The following MARK1 variants were observed in gnomAD, a reference collection of about 807,000 sequenced individuals.
MARK1 encodes serine/threonine-protein kinase MARK1.
In MARK1, 40 loss-of-function variants were observed where a neutral mutation model predicts 96.3. That is an observed-to-expected ratio of 0.42 (90% CI 0.32 to 0.54). The LOEUF is 0.54. Ranked by LOEUF, MARK1 falls within the 20% of genes least tolerant of loss-of-function variation. The probability of loss-of-function intolerance (pLI) is 0.16; values close to 1 mark genes in which losing one functional copy is unlikely to be tolerated. For missense variants in MARK1, 719 were observed against 984.6 expected, an observed-to-expected ratio of 0.73 and a Z score of 3.61; for synonymous variants, 317 against 341.2, an observed-to-expected ratio of 0.93 and a Z score of 0.78.
chr1:220,548,501 AG>A (rs1303655107), intron 1 of MARK1, among the ~76,000 whole-genome samples: 1 of 152,078 alleles, frequency 6.6e-6, no homozygotes, highest in Non-Finnish European at 1.5e-5. Context: ...GCACTTCGGG[AG>A]GCTGAGACTG....
At chr1:220,629,737 A>G (rs1188809294) in intron 9 of MARK1, among the ~76,000 whole-genome samples, 1 of 152,182 alleles carries the variant, frequency 6.6e-6, no homozygotes, top group Non-Finnish European at 1.5e-5. Flanking sequence ...TATTTCACTT[A>G]GCATAATGTC....
At chr1:220,568,228 T>C (rs987634203) in intron 1 of MARK1, among the ~76,000 whole-genome samples, 5 of 152,056 alleles carry the variant, frequency 3.3e-5, no homozygotes, top group African/African-American at 1.2e-4. Flanking sequence ...AAACAATCAA[T>C]CAGTAAGGCA....
chr1:220,639,410 C>T (rs1048831523), intron 13 of MARK1, among the ~76,000 whole-genome samples: 6 of 152,122 alleles, frequency 3.9e-5, no homozygotes, highest in African/African-American at 4.8e-5. Context: ...CCTTCTAGAT[C>T]GGAACATCAA....
intron 1 of MARK1, among the ~76,000 whole-genome samples, chr1:220,546,474 A>T (rs984193656): frequency 6.6e-6 from 1 of 152,240 alleles, no homozygotes; most frequent in Non-Finnish European, 1.5e-5. Context: ...AGCAAATACT[A>T]GGATTGGTAT....
chr1:220,618,417 A>G lies in MARK1; in HGVS notation c.660A>G (p.Pro220=). The G allele has an allele frequency of 6.2e-7, 1 of 1,614,142 alleles. No homozygotes were observed. Among genetic ancestry groups the G allele is most frequent in the African/African-American group, 1.3e-5 (1 of 75,054 alleles). The change falls in exon 8 of 18, where the codon CCA becomes CCG. Residue 220 remains proline (P), a synonymous_variant. Coordinates refer to ENST00000366917, the MANE Select transcript of MARK1 (RefSeq NM_018650.5). The surrounding 1 kb of genome is among the most constrained non-coding windows in gnomAD (Gnocchi z 4.6). ...AATTGGACACATTTTGTGGAAGCCC[A>G]CCCTATGCTGCTCCCGAGCTTTTCC... is the stretch of plus-strand genomic sequence containing the variant. The part of the protein sequence containing the change: ...GNKLDTFCGS[P]PYAAPELFQG...
In MARK1 at chr1:220,563,353, C is replaced by T. The variant is rs180951193; in HGVS notation, c.52-16001C>T. ...AATAATGGCTAACATTTATTGAATG[C>T]TTAGTATACCTCTTACTGTATTGTA... On this transcript the variant is annotated intron_variant, in intron 1 of 17. Transcript: ENST00000366917. Among the ~76,000 whole-genome samples, 175 of 152,156 alleles carry T rather than the reference C, an allele frequency of 1.2e-3. 1 individual carries two copies. Among genetic ancestry groups the T allele is most frequent in the Middle Eastern group, 3.4e-3 (1 of 294 alleles).
chr1:220,584,325 A>C (rs1664448508), intron 3 of MARK1, among the ~76,000 whole-genome samples: 1 of 152,248 alleles, frequency 6.6e-6, no homozygotes, highest in Non-Finnish European at 1.5e-5. Flanking sequence ...AATAAAAACA[A>C]GACTTAGTAC....
intron 1 of MARK1, among the ~76,000 whole-genome samples, chr1:220,553,670 A>G (rs539745231): frequency 1.3e-5 from 2 of 152,308 alleles, no homozygotes; most frequent in African/African-American, 4.8e-5. Flanking sequence ...TTGAATGGTA[A>G]CTTGGTGGCC....
intron 3 of MARK1, among the ~76,000 whole-genome samples, chr1:220,595,227 A>G (rs1243920847): frequency 6.6e-6 from 1 of 152,196 alleles, no homozygotes; most frequent in Non-Finnish European, 1.5e-5. Context: ...ATGTATATGT[A>G]TATAAAATGA....
intron 6 of MARK1, among the ~76,000 whole-genome samples, chr1:220,606,851 T>C (rs1666110731): frequency 6.6e-6 from 1 of 152,218 alleles, no homozygotes; most frequent in African/African-American, 2.4e-5. Flanking sequence ...GCATTATTTC[T>C]GAGGCCTCTG....
At chr1:220,591,258 A>C (rs1350315584) in intron 3 of MARK1, among the ~76,000 whole-genome samples, 1 of 152,224 alleles carries the variant, frequency 6.6e-6, no homozygotes, top group Non-Finnish European at 1.5e-5. Flanking sequence ...ATTTGCTGCC[A>C]GTCTATTTCT....
chr1:220,614,863 A>G (rs1666651671), intron 6 of MARK1, among the ~76,000 whole-genome samples: 1 of 152,160 alleles, frequency 6.6e-6, no homozygotes, highest in Non-Finnish European at 1.5e-5. Context: ...ATAATTTTAT[A>G]ATACTGAAAT....
intron 11 of MARK1, among the ~76,000 whole-genome samples, chr1:220,635,090 A>G (rs895393933): frequency 3.3e-5 from 5 of 152,160 alleles, no homozygotes; most frequent in Non-Finnish European, 5.9e-5. Context: ...CTAGTCTATA[A>G]TAACCCATTC....
intron 6 of MARK1, among the ~76,000 whole-genome samples, chr1:220,612,520 T>A (rs1221064558): frequency 6.6e-6 from 1 of 152,178 alleles, no homozygotes; most frequent in African/African-American, 2.4e-5. Flanking sequence ...TAAATGTATT[T>A]AGTATCTATA....
At chr1:220,640,979 A>G (rs1157315871) in intron 13 of MARK1, among the ~76,000 whole-genome samples, 1 of 152,196 alleles carries the variant, frequency 6.6e-6, no homozygotes, top group African/African-American at 2.4e-5. Context: ...TGCAGGAAAA[A>G]CAAACTTAAT....
chr1:220,575,979 G>A lies in MARK1; in HGVS notation c.52-3375G>A, dbSNP rs900800098. 2.7e-3 allele frequency among the ~76,000 whole-genome samples: 19 copies of A among 7,162 alleles called. No individual in the cohort carries two copies. In the East Asian group the frequency reaches 0.063, roughly 24 times the overall value. The allele number at this position is 7,162 out of a possible 152,430, so 4.7% of individuals were successfully genotyped here. A position where few individuals can be genotyped will look rare whatever the true frequency, so the allele number is the denominator to read the frequency against. On this transcript the variant is annotated intron_variant, in intron 1 of 17. Transcript: ENST00000366917. The stretch of plus-strand genomic sequence containing the variant: ...AGGGTTTCTCCTTAGGGAATTGACC[G>A]TATATAGCTCCTTTTTTTTTCTTCT...
chr1:220,561,416 A>G (rs190274567), intron 1 of MARK1, among the ~76,000 whole-genome samples: 11 of 152,192 alleles, frequency 7.2e-5, no homozygotes, highest in African/African-American at 2.6e-4. Context: ...TATTTTATGT[A>G]TGGCCCAAGA....
At chr1:220,604,197 G>A (rs1665927349) in intron 6 of MARK1, 60 bp downstream of exon 6, 1 of 1,077,152 alleles carries the variant, frequency 9.3e-7, no homozygotes, top group Non-Finnish European at 1.4e-6. Context: ...ACAATGGACA[G>A]TATTACAAAC....
At chr1:220,613,456 C>G (rs539114670) in intron 6 of MARK1, among the ~76,000 whole-genome samples, 1 of 152,112 alleles carries the variant, frequency 6.6e-6, no homozygotes, top group Non-Finnish European at 1.5e-5. Context: ...ACCATTCTGT[C>G]TGACATGAGT....
Sources: gnomAD v4.1 joint callset for allele counts (sites outside exome capture counted in the v4.1 genomes callset) on GRCh38, gnomAD v4.1.1 for gene constraint, Gnocchi (gnomAD v3.1) non-coding constraint, MANE v1.5 for transcripts, NCBI Gene and HGNC (gene_info 2026-07-23, HGNC 2026-07-21) for gene names.